Variants in GYG1 observed in about 807,000 individuals in gnomAD.
GYG1 encodes glycogenin-1.
A neutral mutation model predicts 41.9 loss-of-function variants in GYG1; 44 were observed. The observed-to-expected ratio is 1.05, with a 90% confidence interval of 0.83 to 1.35. The LOEUF (loss-of-function observed/expected upper bound fraction) is 1.35, where lower values mean the gene tolerates loss of function less well. Among genes scored for constraint, GYG1 ranks in the 40% most tolerant of loss-of-function variants. The probability of loss-of-function intolerance (pLI) is 0.00; values close to 1 mark genes in which losing one functional copy is unlikely to be tolerated. For missense variants in GYG1, 429 were observed against 418.9 expected (o/e 1.02, Z -0.21); for synonymous variants, 141 against 158.1 (o/e 0.89, Z 0.81).
chr3:149,016,570 A>G (rs1714060956), intron 5 of GYG1, among the ~76,000 whole-genome samples: 1 of 152,186 alleles, frequency 6.6e-6, no homozygotes, highest in Non-Finnish European at 1.5e-5. Flanking sequence ...GAGTGCTGAC[A>G]TTGTTCTGAT....
At chr3:149,015,644 A>G (rs1264473676) in intron 5 of GYG1, among the ~76,000 whole-genome samples, 1 of 152,118 alleles carries the variant, frequency 6.6e-6, no homozygotes, top group Non-Finnish European at 1.5e-5. Flanking sequence ...TGGCAAGAGG[A>G]CGTCTGGTGG....
chr3:149,027,712 G>GA lies in GYG1; in HGVS notation c.*781dup, dbSNP rs1240853231. 1.3e-5 allele frequency: 2 copies of GA among 152,106 alleles called. No homozygotes were observed. Among genetic ancestry groups the GA allele is most frequent in the Non-Finnish European group, 2.9e-5 (2 of 68,012 alleles). The allele number at this position is 152,106 out of a possible 1,614,324, so 9.4% of individuals were successfully genotyped here. A position where few individuals can be genotyped will look rare whatever the true frequency, so the allele number is the denominator to read the frequency against. ...ATTAGGGAATTTTTCACAATTTTTG[G>GA]AATTTGTCATAGTTTTAAAAAAGTG... On this transcript the variant is annotated 3_prime_UTR_variant, in exon 8 of 8. Transcript: ENST00000345003.
intron 5 of GYG1, among the ~76,000 whole-genome samples, chr3:149,015,451 A>G (rs1301988474): frequency 2.0e-5 from 3 of 152,188 alleles, no homozygotes; most frequent in Non-Finnish European, 4.4e-5. Flanking sequence ...AAGAATAGGA[A>G]CAAGAGACAG....
Position 148,996,333 on chromosome 3 carries a change from A to T in GYG1, c.175A>T (p.Ile59Phe). 1 of 1,611,934 alleles carries T rather than the reference A, an allele frequency of 6.2e-7. No homozygotes were observed. The change falls in exon 3 of 8, where the codon ATC (isoleucine) becomes TTC (phenylalanine). Residue 59 changes from isoleucine (I) to phenylalanine (F), a missense_variant. By Grantham distance (21) the Ile-to-Phe change is conservative. Transcript: ENST00000345003. ...TTTAGAGACAGTCTTTGATGAAGTC[A>T]TCATGGTAGATGTCTTGGACAGTGG... Reference protein sequence around the residue: ...KVLETVFDEVIMVDVLDSGDS... With the variant: ...KVLETVFDEVFMVDVLDSGDS...
At chr3:149,004,157 C>T (rs545406328) in intron 4 of GYG1, 2 of 152,338 alleles carry the variant, frequency 1.3e-5, no homozygotes, top group Admixed American at 1.3e-4. Flanking sequence ...TGTTCCATTT[C>T]CTTTCTCCCT....
intron 1 of GYG1, among the ~76,000 whole-genome samples, chr3:148,993,120 A>G (rs1712583009): frequency 6.6e-6 from 1 of 151,994 alleles, no homozygotes; most frequent in African/African-American, 2.4e-5. Context: ...GATGCCCACC[A>G]ACTTGCTAAT....
Position 149,009,274 on chromosome 3 carries a change from AG to A in GYG1, c.482del. On this transcript the variant is annotated splice_acceptor_variant, in intron 4 of 7. Coordinates refer to ENST00000345003, the MANE Select transcript of GYG1 (RefSeq NM_004130.4). LOFTEE classifies it high-confidence loss of function. ...ACTAATTTATATATTTTTTTCTTTT[AG>A]GTGGGGACCAAGGCATACTGAACAC... 1 of 1,609,150 alleles carries A rather than the reference AG, an allele frequency of 6.2e-7. No homozygotes were observed. The highest frequency in any genetic ancestry group is 8.5e-7 in the Non-Finnish European group (1 of 1,175,792).
chr3:149,016,216 G>C (rs1478515664), intron 5 of GYG1, among the ~76,000 whole-genome samples: 1 of 141,554 alleles, frequency 7.1e-6, no homozygotes, highest in African/African-American at 2.6e-5. Context: ...AGCCGAGATC[G>C]TGCCACTGCT....
chr3:149,020,502 T>A (rs1453395370), intron 5 of GYG1, among the ~76,000 whole-genome samples: 1 of 152,226 alleles, frequency 6.6e-6, no homozygotes, highest in African/African-American at 2.4e-5. Flanking sequence ...TTATTTAACT[T>A]CTTCATGCCT....
Position 149,027,036 on chromosome 3 carries a change from T to C in GYG1, c.*103T>C. The C allele has an allele frequency of 2.3e-6, 3 of 1,277,190 alleles. No individual in the cohort carries two copies. The highest frequency in any genetic ancestry group is 3.4e-6 in the Non-Finnish European group (3 of 879,766). The allele number at this position is 1,277,190 out of a possible 1,614,324, so 79.1% of individuals were successfully genotyped here. A position where few individuals can be genotyped will look rare whatever the true frequency, so the allele number is the denominator to read the frequency against. ...AAAAGTCTGTTACAGTTGCTAGAGG[T>C]TTTCATTAAAACTTATCAGATGAGA... is the stretch of plus-strand genomic sequence containing the variant. On this transcript the variant is annotated 3_prime_UTR_variant, in exon 8 of 8. Coordinates refer to ENST00000345003, the MANE Select transcript of GYG1 (RefSeq NM_004130.4).
At position 149,024,102 on chromosome 3, in the gene GYG1, T is replaced by G; in HGVS notation, c.658T>G (p.Trp220Gly). The G allele has an allele frequency of 6.2e-7, 1 of 1,614,180 alleles. No homozygotes were observed. The highest frequency in any genetic ancestry group is 1.1e-5 in the South Asian group (1 of 91,086). Reference sequence around the variant, plus strand: ...GCATTTCCTGGGACGAGTCAAACCATGGAATTATACTTATGATCCCAAAAC... The same window carrying G: ...GCATTTCCTGGGACGAGTCAAACCAGGGAATTATACTTATGATCCCAAAAC... ...VVHFLGRVKP[W>G]NYTYDPKTKS... is the part of the protein sequence containing the mutation. Residue 220 changes from tryptophan to glycine, a missense_variant, in exon 6 of 8, where the codon TGG becomes GGG. By Grantham distance (184) the Trp-to-Gly change is radical. Transcript: ENST00000345003.
chr3:149,016,260 C>CAAAAAAAAAAAAAAAA (rs369746026), intron 5 of GYG1, among the ~76,000 whole-genome samples: 5 of 70,054 alleles, frequency 7.1e-5, no homozygotes, highest in Non-Finnish European at 1.1e-4. Context: ...GACTCCGTCT[C>CAAAAAAAAAAAAAAAA]AAAAAAAAAA....
At chr3:148,993,335 A>AG (rs535748639) in intron 1 of GYG1, among the ~76,000 whole-genome samples, 23 of 151,744 alleles carry the variant, frequency 1.5e-4, no homozygotes, top group African/African-American at 5.1e-4. Flanking sequence ...GGGAGGGTGC[A>AG]GGATGGACCT....
At chr3:149,024,704 C>A (rs1714559813) in intron 6 of GYG1, among the ~76,000 whole-genome samples, 1 of 152,206 alleles carries the variant, frequency 6.6e-6, no homozygotes, top group Admixed American at 6.5e-5. Context: ...TATGAACATA[C>A]AGTAAATACT....
At chr3:148,996,702 C>G (rs1375848835) in intron 3 of GYG1, 40 bp from the exon 4 acceptor site, 6 of 1,587,594 alleles carry the variant, frequency 3.8e-6, no homozygotes, top group Non-Finnish European at 5.2e-6. Context: ...TATTCTGCAG[C>G]AAAAACATTT....
In GYG1 at chr3:149,026,804, C is replaced by G. The variant is rs1197819879; in HGVS notation, c.924C>G (p.Ile308Met). ...TATCACATCTGTCCCTTGGGGAGAT[C>G]CCAGCTATGGCACAGCCGTTTGTAT... The part of the protein sequence containing the change: ...GAISHLSLGE[I>M]PAMAQPFVSS... Residue 308 changes from isoleucine (I) to methionine (M), a missense_variant, in exon 8 of 8, where the codon ATC becomes ATG. Coordinates refer to ENST00000345003, the MANE Select transcript of GYG1 (RefSeq NM_004130.4). 2.5e-6 allele frequency: 4 copies of G among 1,613,678 alleles called. No homozygotes were observed. The highest frequency in any genetic ancestry group is 1.3e-5 in the African/African-American group (1 of 74,898).
At chr3:149,015,995 G>A (rs1183244961) in intron 5 of GYG1, among the ~76,000 whole-genome samples, 1 of 151,344 alleles carries the variant, frequency 6.6e-6, no homozygotes. Context: ...GGGCGCAGTG[G>A]CTCACGCCTG....
At chr3:149,000,284 A>T (rs879885326) in intron 4 of GYG1, among the ~76,000 whole-genome samples, 5 of 152,236 alleles carry the variant, frequency 3.3e-5, no homozygotes, top group Admixed American at 2.6e-4. Context: ...ATGAAGAGTC[A>T]AACTTCTATA....
At chr3:149,009,824 TG>T (rs995331297) in intron 5 of GYG1, among the ~76,000 whole-genome samples, 2 of 152,210 alleles carry the variant, frequency 1.3e-5, no homozygotes, top group African/African-American at 4.8e-5. Context: ...ATAATTGTTG[TG>T]GGGATTAAGC....
Sources: gnomAD v4.1 joint callset for allele counts (sites outside exome capture counted in the v4.1 genomes callset) on GRCh38, gnomAD v4.1.1 for gene constraint, MANE v1.5 for transcripts, NCBI Gene and HGNC (gene_info 2026-07-23, HGNC 2026-07-21) for gene names.